Variants in KIAA2012 observed in about 807,000 individuals in gnomAD.
KIAA2012 encodes the protein uncharacterized protein KIAA2012.
In KIAA2012, 125 loss-of-function variants were observed where a neutral mutation model predicts 150.6. That is an observed-to-expected ratio of 0.83 (90% confidence interval 0.72 to 0.96). The LOEUF is 0.96. Ranked by LOEUF, KIAA2012 falls within the 40% of genes least tolerant of loss-of-function variation. The pLI is 0.00. For missense variants in KIAA2012, 1,219 were observed against 1,354.9 expected (o/e 0.90, Z 1.57); for synonymous variants, 462 against 504.7 (o/e 0.92, Z 1.13).
chr2:202,151,261 G>A (rs184505400), intron 13 of KIAA2012, among the ~76,000 whole-genome samples: 13 of 152,160 alleles, frequency 8.5e-5, no homozygotes, highest in African/African-American at 2.4e-4. Flanking sequence ...GCCGGGCATG[G>A]TGGCACACAC....
intron 10 of KIAA2012, among the ~76,000 whole-genome samples, chr2:202,113,021 T>C (rs561993214): frequency 2.6e-5 from 4 of 152,222 alleles, no homozygotes; most frequent in East Asian, 3.9e-4. Context: ...GGGACTCCCT[T>C]TCCTTCACAC....
intron 13 of KIAA2012, among the ~76,000 whole-genome samples, chr2:202,142,706 A>G (rs1396571189): frequency 2.6e-5 from 4 of 152,172 alleles, no homozygotes; most frequent in African/African-American, 9.7e-5. Flanking sequence ...GGAATGAACA[A>G]GGACAGCCTG....
At chr2:202,179,373 C>A in intron 15 of KIAA2012, 1 of 850,042 alleles carries the variant, frequency 1.2e-6, no homozygotes, top group South Asian at 1.3e-5. Context: ...TATGCTTTGG[C>A]TGCTGTAGCT....
intron 9 of KIAA2012, among the ~76,000 whole-genome samples, chr2:202,107,406 C>CA: frequency 6.6e-6 from 1 of 151,872 alleles, no homozygotes; most frequent in East Asian, 1.9e-4. Context: ...TTTCCTTTTT[C>CA]AAAAAATCCA....
At chr2:202,080,994 C>A (rs1689439228) in intron 2 of KIAA2012, among the ~76,000 whole-genome samples, 1 of 152,040 alleles carries the variant, frequency 6.6e-6, no homozygotes, top group South Asian at 2.1e-4. Flanking sequence ...GAAACAGTAA[C>A]TCCCCATTTC....
intron 19 of KIAA2012, among the ~76,000 whole-genome samples, chr2:202,192,950 A>G (rs1206175869): frequency 6.6e-6 from 1 of 152,206 alleles, no homozygotes; most frequent in Non-Finnish European, 1.5e-5. Context: ...GGGTGATTCT[A>G]AAGTGCAGCC....
intron 15 of KIAA2012, 92 bp from the exon 16 acceptor site, chr2:202,184,661 G>A: frequency 1.2e-6 from 1 of 800,580 alleles, no homozygotes; most frequent in Non-Finnish European, 1.9e-6. Flanking sequence ...GCATGCCTTT[G>A]GCTACTCACC....
intron 14 of KIAA2012, among the ~76,000 whole-genome samples, chr2:202,163,112 T>TG (rs1691691544): frequency 6.7e-6 from 1 of 149,612 alleles, no homozygotes; most frequent in South Asian, 2.1e-4. Flanking sequence ...TTCTTTTTTT[T>TG]TTTTTTTTCA....
intron 2 of KIAA2012, among the ~76,000 whole-genome samples, chr2:202,087,998 CAAAAAAA>C (rs527244781): frequency 7.7e-6 from 1 of 129,832 alleles, no homozygotes; most frequent in African/African-American, 2.8e-5. Flanking sequence ...CAATCCAAAC[CAAAAAAA>C]AAAAAAAGTA....
At chr2:202,156,375 A>T (rs1691525092) in intron 14 of KIAA2012, among the ~76,000 whole-genome samples, 1 of 152,168 alleles carries the variant, frequency 6.6e-6, no homozygotes, top group South Asian at 2.1e-4. Context: ...GAGAATTATG[A>T]ATCGTACTTT....
chr2:202,149,252 G>A (rs1240773751), intron 13 of KIAA2012, among the ~76,000 whole-genome samples: 1 of 152,204 alleles, frequency 6.6e-6, no homozygotes, highest in Non-Finnish European at 1.5e-5. Context: ...AGGGGAGCCT[G>A]GGGGTCAGAG....
chr2:202,151,058 G>A (rs1483743809), intron 13 of KIAA2012, among the ~76,000 whole-genome samples: 3 of 152,072 alleles, frequency 2.0e-5, no homozygotes, highest in African/African-American at 7.2e-5. Flanking sequence ...TAGAAATCAG[G>A]AATTCCAATT....
At position 202,172,635 on chromosome 2, in the gene KIAA2012, G is replaced by A. The variant is rs1025184263; in HGVS notation, c.2119+7279G>A. Among the ~76,000 whole-genome samples, 15 of 152,140 alleles carry A rather than the reference G, an allele frequency of 9.9e-5. 1 individual carries two copies. The highest frequency in any genetic ancestry group is 9.8e-4 in the Admixed American group (15 of 15,280). On this transcript the variant is annotated intron_variant, in intron 15 of 23. Transcript: ENST00000498697. The stretch of plus-strand genomic sequence containing the variant: ...AGTTTCGTTTTGAAGACTTTTCCTT[G>A]GGCAGTTTCCAGCTTCAGGAATAAA...
intron 2 of KIAA2012, among the ~76,000 whole-genome samples, chr2:202,082,613 A>C (rs543813112): frequency 1.3e-5 from 2 of 148,874 alleles, no homozygotes; most frequent in African/African-American, 5.0e-5. Flanking sequence ...AAAAAAAAGA[A>C]GTTTTTAATT....
intron 2 of KIAA2012, among the ~76,000 whole-genome samples, chr2:202,085,653 G>A (rs976900306): frequency 6.6e-6 from 1 of 152,186 alleles, no homozygotes; most frequent in Non-Finnish European, 1.5e-5. Context: ...AGAACAGTAT[G>A]AGAATAATAC....
At chr2:202,165,790 A>G (rs899082907) in intron 15 of KIAA2012, among the ~76,000 whole-genome samples, 2 of 152,332 alleles carry the variant, frequency 1.3e-5, no homozygotes, top group South Asian at 4.1e-4. Flanking sequence ...TTTTCTGTTT[A>G]TATCTTTTAC....
intron 10 of KIAA2012, among the ~76,000 whole-genome samples, chr2:202,112,890 C>T (rs978039484): frequency 6.6e-6 from 1 of 152,220 alleles, no homozygotes; most frequent in Non-Finnish European, 1.5e-5. Context: ...CCCAGTATTT[C>T]ATCTAGAGGT....
intron 10 of KIAA2012, among the ~76,000 whole-genome samples, chr2:202,110,484 A>AT (rs1263230330): frequency 2.6e-5 from 4 of 152,160 alleles, no homozygotes; most frequent in Non-Finnish European, 4.4e-5. Flanking sequence ...CTGACAGACC[A>AT]TTTTCAGGAA....
intron 12 of KIAA2012, among the ~76,000 whole-genome samples, chr2:202,130,445 A>G (rs1690905254): frequency 6.6e-6 from 1 of 152,196 alleles, no homozygotes. Flanking sequence ...AAGCAGGTGT[A>G]GATCTTAGGA....
Sources: gnomAD v4.1 joint callset for allele counts (sites outside exome capture counted in the v4.1 genomes callset) on GRCh38, gnomAD v4.1.1 for gene constraint, MANE v1.5 for transcripts, NCBI Gene and HGNC (gene_info 2026-07-23, HGNC 2026-07-21) for gene names.